The following CDH13 variants were observed in gnomAD, a reference collection of about 807,000 sequenced individuals.
CDH13 encodes the protein cadherin 13, also known as cadherin-13.
CDH13 carries 24 observed loss-of-function variants against 63.8 expected under a neutral mutation model. That is an observed-to-expected ratio of 0.38 (90% CI 0.27 to 0.53). The LOEUF is 0.53. CDH13 is among the 20% of genes least tolerant of loss of function. The pLI is 0.85. For missense variants in CDH13, 1,049 were observed against 903.1 expected (o/e 1.16, Z -2.07); for synonymous variants, 503 against 355.3 (o/e 1.42, Z -4.67).
At chr16:83,393,200 G>A (rs1421241657) in intron 6 of CDH13, among the ~76,000 whole-genome samples, 1 of 152,190 alleles carries the variant, frequency 6.6e-6, no homozygotes, top group East Asian at 1.9e-4. Context: ...TGATGCCAAG[G>A]GGTGCCCATG....
chr16:83,336,164 A>G (rs577143142), intron 5 of CDH13, among the ~76,000 whole-genome samples: 4 of 152,066 alleles, frequency 2.6e-5, no homozygotes, highest in Non-Finnish European at 5.9e-5. Flanking sequence ...TGCCAGGGGT[A>G]GTGGTACATA....
At chr16:83,021,225 C>G (rs1252049000) in intron 2 of CDH13, among the ~76,000 whole-genome samples, 2 of 152,194 alleles carry the variant, frequency 1.3e-5, no homozygotes, top group South Asian at 2.1e-4. Context: ...AGTTTCAAAT[C>G]TGCTTAGCTG....
chr16:82,955,691 A>T (rs1471366415), intron 2 of CDH13, among the ~76,000 whole-genome samples: 2 of 152,222 alleles, frequency 1.3e-5, no homozygotes, highest in African/African-American at 4.8e-5. Flanking sequence ...AGAGAAAAAT[A>T]AACTTTGAAG....
At chr16:82,743,841 C>T (rs1323182334) in intron 1 of CDH13, among the ~76,000 whole-genome samples, 1 of 152,052 alleles carries the variant, frequency 6.6e-6, no homozygotes, top group African/African-American at 2.4e-5. Flanking sequence ...ATAAATATGA[C>T]ATAGAAAAAT....
chr16:82,725,255 A>G (rs2033029239), intron 1 of CDH13, among the ~76,000 whole-genome samples: 1 of 152,168 alleles, frequency 6.6e-6, no homozygotes, highest in Non-Finnish European at 1.5e-5. Flanking sequence ...CTCTTTCCCC[A>G]TACTCGTTAT....
intron 7 of CDH13, among the ~76,000 whole-genome samples, chr16:83,571,137 C>G (rs892405999): frequency 2.4e-4 from 36 of 151,876 alleles, no homozygotes; most frequent in Non-Finnish European, 4.9e-4. Context: ...GTCCTTTTCA[C>G]TTTATTTCAT....
intron 3 of CDH13, among the ~76,000 whole-genome samples, chr16:83,114,096 T>A (rs1398629880): frequency 6.6e-6 from 1 of 152,230 alleles, no homozygotes. Flanking sequence ...CAAAGCAGTT[T>A]ATTTTCTACC....
intron 3 of CDH13, among the ~76,000 whole-genome samples, chr16:83,099,378 C>T (rs1445701595): frequency 6.6e-6 from 1 of 151,894 alleles, no homozygotes; most frequent in East Asian, 2.0e-4. Flanking sequence ...GGCTGGAGTG[C>T]AACGGTGCAA....
intron 2 of CDH13, among the ~76,000 whole-genome samples, chr16:82,927,759 C>T (rs1241905751): frequency 6.6e-6 from 1 of 152,198 alleles, no homozygotes; most frequent in Non-Finnish European, 1.5e-5. Flanking sequence ...GTGTTACTCA[C>T]CGCTCAGTCC....
At chr16:82,660,138 C>A (rs1911763440) in intron 1 of CDH13, among the ~76,000 whole-genome samples, 1 of 152,054 alleles carries the variant, frequency 6.6e-6, no homozygotes, top group Non-Finnish European at 1.5e-5. Context: ...TTTTGGGTTT[C>A]AGAGGAAGCT....
intron 4 of CDH13, among the ~76,000 whole-genome samples, chr16:83,128,881 A>G (rs1412593684): frequency 6.6e-6 from 1 of 152,216 alleles, no homozygotes. Flanking sequence ...CTACAAAGCA[A>G]CTGCTTTTCT....
chr16:83,069,839 A>G (rs1417107097), intron 3 of CDH13, among the ~76,000 whole-genome samples: 3 of 152,184 alleles, frequency 2.0e-5, no homozygotes, highest in Non-Finnish European at 4.4e-5. Context: ...GCAGGCAGCA[A>G]GCAATTGTCT....
chr16:83,014,757 T>A (rs1424597167), intron 2 of CDH13, among the ~76,000 whole-genome samples: 79 of 40,760 alleles, frequency 1.9e-3, no homozygotes, highest in East Asian at 0.017. Context: ...TATATATATA[T>A]ATATATATAT....
intron 2 of CDH13, 128 bp from the exon 3 acceptor site, chr16:83,031,882 A>C (rs2151474020): frequency 1.4e-6 from 1 of 728,510 alleles, no homozygotes. Context: ...CTGTGGGATA[A>C]AACGTAACAT....
intron 1 of CDH13, among the ~76,000 whole-genome samples, chr16:82,828,997 C>G (rs1324692982): frequency 6.6e-6 from 1 of 152,028 alleles, no homozygotes; most frequent in Admixed American, 6.6e-5. Flanking sequence ...AGATTAGATA[C>G]CTTAGGCTAG....
At chr16:82,906,739 A>C (rs892258949) in intron 2 of CDH13, among the ~76,000 whole-genome samples, 1 of 152,120 alleles carries the variant, frequency 6.6e-6, no homozygotes, top group Non-Finnish European at 1.5e-5. Context: ...CTCCCTCCGA[A>C]GGCTCCAGGG....
chr16:83,276,553 C>T (rs947456101), intron 5 of CDH13, among the ~76,000 whole-genome samples: 1 of 152,148 alleles, frequency 6.6e-6, no homozygotes, highest in African/African-American at 2.4e-5. Flanking sequence ...GGAGGCCTCA[C>T]AGTCATGGCA....
At chr16:83,000,133 A>C (rs1912706141) in intron 2 of CDH13, among the ~76,000 whole-genome samples, 1 of 149,408 alleles carries the variant, frequency 6.7e-6, no homozygotes, top group African/African-American at 2.5e-5. Flanking sequence ...GGTACCTGGT[A>C]AGTGCTCAGT....
In CDH13 at chr16:82,764,952, C is replaced by G. The variant is rs1232144119; in HGVS notation, c.46-93410C>G. Reference sequence around the variant, plus strand: ...GCCTCAGCCTCCCGAGTAGCTGAAACTACAGACGTGTGCCACTATGCCTGG... The same window carrying G: ...GCCTCAGCCTCCCGAGTAGCTGAAAGTACAGACGTGTGCCACTATGCCTGG... On this transcript the variant is annotated intron_variant, in intron 1 of 13. Transcript: ENST00000567109. 6.6e-5 allele frequency among the ~76,000 whole-genome samples: 10 copies of G among 151,938 alleles called. No individual in the cohort carries two copies. In the East Asian group the frequency reaches 1.6e-3, roughly 24 times the overall value.
Sources: allele counts gnomAD v4.1 joint callset (sites outside exome capture counted in the v4.1 genomes callset), GRCh38; gene constraint gnomAD v4.1.1; transcripts MANE v1.5; gene names NCBI Gene and HGNC (gene_info 2026-07-23, HGNC 2026-07-21).